The following PCDHA6 variants were observed in gnomAD, a reference collection of about 807,000 sequenced individuals.
PCDHA6 encodes protocadherin alpha-6.
In PCDHA6, 55 loss-of-function variants were observed where a neutral mutation model predicts 60.3. The observed-to-expected ratio is 0.91, with a 90% CI of 0.73 to 1.14. The LOEUF is 1.14. PCDHA6 is among the 50% of genes most tolerant of loss of function. PCDHA6 has a pLI of 0.00. For missense variants in PCDHA6, 1,327 were observed against 1,256.5 expected (o/e 1.06, Z -0.85); for synonymous variants, 652 against 557.9 (o/e 1.17, Z -2.38).
chr5:140,882,307 A>G (rs2153383804), intron 1 of PCDHA6: 1 of 1,613,900 alleles, frequency 6.2e-7, no homozygotes, highest in South Asian at 1.1e-5. Context: ...GACCGCGGCA[A>G]CTACTGCTCT....
At chr5:140,833,364 G>C (rs1298324769) in intron 1 of PCDHA6, among the ~76,000 whole-genome samples, 1 of 152,118 alleles carries the variant, frequency 6.6e-6, no homozygotes, top group Admixed American at 6.6e-5. Context: ...AACACAGTAA[G>C]GTAGATCCAA....
In PCDHA6 at chr5:140,895,583, A is replaced by C. The variant is rs545210218; in HGVS notation, c.2394+65098A>C. On this transcript the variant is annotated intron_variant, in intron 1 of 3. Coordinates refer to ENST00000529310, the MANE Select transcript of PCDHA6 (RefSeq NM_018909.4). ...ATATTCTAGATGCAATTACTTTATT[A>C]GATATATAATTTGCAAAGATTTTCT... Among the ~76,000 whole-genome samples, 15 of 152,292 alleles carry C rather than the reference A, an allele frequency of 9.8e-5. No individual in the cohort carries two copies. In the South Asian group the frequency reaches 3.1e-3, roughly 32 times the overall value.
At chr5:140,864,428 A>G (rs1459039146) in intron 1 of PCDHA6, 2 of 152,138 alleles carry the variant, frequency 1.3e-5, no homozygotes, top group Non-Finnish European at 2.9e-5. Context: ...TCGTCCACAA[A>G]CAATTTTGTT....
chr5:140,857,320 G>T, intron 1 of PCDHA6: 1 of 1,598,728 alleles, frequency 6.3e-7, no homozygotes. Flanking sequence ...AGCTGGTGGT[G>T]ACCGCGCGGG....
rs782605707 is a variant in PCDHA6 at position 140,857,540 on chromosome 5, T to G, written c.2394+27055T>G. The G allele has an allele frequency of 1.6e-4, 262 of 1,596,716 alleles. 26 individuals carry two copies. Among genetic ancestry groups the G allele is most frequent in the Non-Finnish European group, 2.1e-4 (250 of 1,167,578 alleles). ...GTCCTACTCTCTGGTGGAGCGGCGG[T>G]TGGGCGAGCGCTCGCTGTCGAGCTA... On this transcript the variant is annotated intron_variant, in intron 1 of 3. Transcript: ENST00000529310.
intron 1 of PCDHA6, chr5:140,882,627 A>G: frequency 6.2e-7 from 1 of 1,614,136 alleles, no homozygotes; most frequent in Non-Finnish European, 8.5e-7. Flanking sequence ...TTCCATGTGG[A>G]GGTGAAGGTG....
At chr5:140,835,920 G>C (rs2150248409) in intron 1 of PCDHA6, 2 of 1,612,396 alleles carry the variant, frequency 1.2e-6, no homozygotes, top group Non-Finnish European at 1.7e-6. Flanking sequence ...AGTGCACGCG[G>C]AGAGCGGCAA....
chr5:140,928,664 G>A (rs186350151), intron 1 of PCDHA6: 2 of 1,614,214 alleles, frequency 1.2e-6, no homozygotes, highest in Non-Finnish European at 1.7e-6. Context: ...GCTGACAGTG[G>A]TTCTAATGCC....
In PCDHA6 at chr5:140,903,111, A is replaced by G. The variant is rs1002837275; in HGVS notation, c.2394+72626A>G. ...CATTGCTGGATCAAATAATAGCTCT[A>G]CTTCTAAATCTTTAAGAAATCTCCA... On this transcript the variant is annotated intron_variant, in intron 1 of 3. Transcript: ENST00000529310. Among the ~76,000 whole-genome samples, 13 of 152,306 alleles carry G rather than the reference A, an allele frequency of 8.5e-5. No individual in the cohort carries two copies. In the East Asian group the frequency reaches 2.5e-3, roughly 29 times the overall value.
At chr5:140,897,008 T>C (rs1215081415) in intron 1 of PCDHA6, among the ~76,000 whole-genome samples, 13 of 152,154 alleles carry the variant, frequency 8.5e-5, no homozygotes, top group Admixed American at 1.3e-4. Flanking sequence ...TATTTTTAAA[T>C]ATACAACTAA....
chr5:140,872,231 T>A (rs1050025307), intron 1 of PCDHA6, among the ~76,000 whole-genome samples: 2 of 152,228 alleles, frequency 1.3e-5, no homozygotes, highest in Non-Finnish European at 2.9e-5. Context: ...TCTTTACTTT[T>A]GTCTTTATTC....
intron 1 of PCDHA6, chr5:140,836,297 T>G (rs2150257087): frequency 1.2e-6 from 2 of 1,613,576 alleles, no homozygotes; most frequent in African/African-American, 1.3e-5. Context: ...GAGCCCTAGA[T>G]GAGACGGACG....
chr5:140,883,804 G>T (rs373228578), intron 1 of PCDHA6: 1 of 1,612,420 alleles, frequency 6.2e-7, no homozygotes, highest in African/African-American at 1.3e-5. Context: ...CGGTGCACGC[G>T]GAGAGCGGCA....
rs373922357 is a variant in PCDHA6, at chr5:140,927,079, G to C, written c.2395-51870G>C. On this transcript the variant is annotated intron_variant, in intron 1 of 3. Coordinates refer to ENST00000529310, the MANE Select transcript of PCDHA6 (RefSeq NM_018909.4). ...CTTTCGCTTCCTTTCCAGCCACCGC[G>C]AGCTCTACTTCGGGGTGGATCTACC... The C allele has an allele frequency of 2.5e-6, 4 of 1,610,870 alleles. No individual in the cohort carries two copies. In the African/African-American group the frequency reaches 5.3e-5, roughly 22 times the overall value.
chr5:140,889,720 T>C (rs1259294888), intron 1 of PCDHA6, among the ~76,000 whole-genome samples: 1 of 152,240 alleles, frequency 6.6e-6, no homozygotes, highest in African/African-American at 2.4e-5. Context: ...TCTTTGCTAC[T>C]GTCTCACTGA....
At position 140,850,251 on chromosome 5, in the gene PCDHA6, G is replaced by T. The variant is rs1562466738; in HGVS notation, c.2394+19766G>T. 1.1e-5 allele frequency: 18 copies of T among 1,594,126 alleles called. 3 individuals are homozygous for T. The highest frequency in any genetic ancestry group is 1.4e-5 in the Non-Finnish European group (16 of 1,167,218). On this transcript the variant is annotated intron_variant, in intron 1 of 3. Coordinates refer to ENST00000529310, the MANE Select transcript of PCDHA6 (RefSeq NM_018909.4). ...GAGCGAGATGGTGCTGCGGTCGGTG[G>T]GCGCCGGCGTAGTGGTGGGGAAGGT...
intron 1 of PCDHA6, among the ~76,000 whole-genome samples, chr5:140,839,991 G>A (rs1554137668): frequency 1.3e-5 from 2 of 152,072 alleles, no homozygotes; most frequent in Admixed American, 1.3e-4. Flanking sequence ...AAAGTGGTTA[G>A]CCTTAGCACT....
In PCDHA6 at chr5:140,981,687, ATCATTCATTCAT is replaced by A. The variant is rs200213847; in HGVS notation, c.2454-771_2454-760del. Among the ~76,000 whole-genome samples the A allele has an allele frequency of 3.0e-3, 453 of 152,088 alleles. 7 individuals are homozygous for A. In the East Asian group the frequency reaches 0.044, roughly 15 times the overall value. Reference sequence around the variant, plus strand: ...CTTCCTTTCTTCCTTCCTCCCTTCCATCATTCATTCATTCATTCATTCATTCATCCAACAAAT... The same window carrying A: ...CTTCCTTTCTTCCTTCCTCCCTTCCATCATTCATTCATTCATCCAACAAAT... On this transcript the variant is annotated intron_variant, in intron 2 of 3. Transcript: ENST00000529310.
At chr5:140,943,083 C>A (rs1444637785) in intron 1 of PCDHA6, among the ~76,000 whole-genome samples, 1 of 151,532 alleles carries the variant, frequency 6.6e-6, no homozygotes, top group African/African-American at 2.4e-5. Flanking sequence ...ATGGTGAAAT[C>A]CTGCCTCTAC....
Sources: allele counts gnomAD v4.1 joint callset (sites outside exome capture counted in the v4.1 genomes callset), GRCh38; gene constraint gnomAD v4.1.1; transcripts MANE v1.5; gene names NCBI Gene and HGNC (gene_info 2026-07-23, HGNC 2026-07-21).